The following CLNK variants were observed in gnomAD, a reference collection of about 807,000 sequenced individuals.
CLNK encodes cytokine-dependent hematopoietic cell linker.
In CLNK, 74 loss-of-function variants were observed where a neutral mutation model predicts 68.6. The ratio of observed to expected loss-of-function variants is 1.08; its 90% CI spans 0.89 to 1.31. CLNK has a LOEUF of 1.31. Among genes scored for constraint, CLNK ranks in the 50% most tolerant of loss-of-function variants. CLNK has a pLI of 0.00. For synonymous variants in CLNK, 198 were observed against 172.2 expected (o/e 1.15, Z -1.17); for missense variants, 553 against 515.3 (o/e 1.07, Z -0.71).
At chr4:10,615,471 C>T (rs559984534) in intron 2 of CLNK, among the ~76,000 whole-genome samples, 3 of 151,392 alleles carry the variant, frequency 2.0e-5, no homozygotes, top group South Asian at 2.1e-4. Context: ...AAGCAGAGGT[C>T]GTGCCGCCGC....
In CLNK at chr4:10,682,460, C is replaced by T. The variant is rs377184059; in HGVS notation, c.-43+2208G>A. ...GATGCTTCTAGATCTCTGTCTGCTA[C>T]TCTTCATGTGAAAATTTAGCCAGTT... On this transcript the variant is annotated intron_variant, in intron 1 of 18. Transcript: ENST00000226951. Among the ~76,000 whole-genome samples the T allele has an allele frequency of 2.0e-5, 3 of 152,348 alleles. 1 individual carries two copies. The highest frequency in any genetic ancestry group is 1.9e-4 in the East Asian group (1 of 5,186).
At chr4:10,570,530 AC>A (rs1720302873) in intron 5 of CLNK, among the ~76,000 whole-genome samples, 1 of 152,048 alleles carries the variant, frequency 6.6e-6, no homozygotes, top group South Asian at 2.1e-4. Flanking sequence ...TTACCCATGA[AC>A]CTTTTAATTT....
At chr4:10,638,081 T>G (rs1577188475) in intron 2 of CLNK, among the ~76,000 whole-genome samples, 1 of 152,132 alleles carries the variant, frequency 6.6e-6, no homozygotes, top group Non-Finnish European at 1.5e-5. Context: ...AAGGCACTGG[T>G]CTCCTGAATG....
chr4:10,573,991 C>T (rs572603983), intron 4 of CLNK, among the ~76,000 whole-genome samples: 2 of 152,332 alleles, frequency 1.3e-5, no homozygotes, highest in East Asian at 3.9e-4. Flanking sequence ...TTTTCTGTCT[C>T]ACTCACCATG....
At chr4:10,647,774 C>A (rs979656891) in intron 2 of CLNK, among the ~76,000 whole-genome samples, 1 of 152,152 alleles carries the variant, frequency 6.6e-6, no homozygotes. Flanking sequence ...AAATGTTTCA[C>A]TTGTTCATTC....
chr4:10,701,592 G>A, the CLNK span, among the ~76,000 whole-genome samples: 4 of 152,214 alleles, frequency 2.6e-5, no homozygotes, highest in Admixed American at 6.5e-5. Context: ...AGCTGGGAAG[G>A]AACCTGATAA....
chr4:10,600,841 C>T (rs576727773), intron 2 of CLNK, among the ~76,000 whole-genome samples: 1 of 152,206 alleles, frequency 6.6e-6, no homozygotes, highest in South Asian at 2.1e-4. Flanking sequence ...AGGTTATTGG[C>T]AACTTTTCTG....
In CLNK at chr4:10,606,578, T is replaced by A. The variant is rs79968881; in HGVS notation, c.12-8529A>T. ...TAATTGTATGTGATATGCTTTTATA[T>A]GCTGGCAGCACAGTTTTGTTTACAC... On this transcript the variant is annotated intron_variant, in intron 2 of 18. Transcript: ENST00000226951. 2.5e-3 allele frequency among the ~76,000 whole-genome samples: 380 copies of A among 152,388 alleles called. 3 individuals carry two copies. Among genetic ancestry groups the A allele is most frequent in the Middle Eastern group, 0.01 (3 of 292 alleles).
chr4:10,593,511 G>T (rs1396960810), intron 3 of CLNK, among the ~76,000 whole-genome samples: 1 of 152,066 alleles, frequency 6.6e-6, no homozygotes, highest in African/African-American at 2.4e-5. Flanking sequence ...AAAACTTGCT[G>T]GGCGTGGTGG....
chr4:10,491,127 A>G (rs1273604850), intron 18 of CLNK, among the ~76,000 whole-genome samples: 2 of 152,200 alleles, frequency 1.3e-5, no homozygotes, highest in Non-Finnish European at 2.9e-5. Context: ...TGATAACAAG[A>G]GAGAAAAAAA....
At chr4:10,624,563 A>T (rs1169246344) in intron 2 of CLNK, among the ~76,000 whole-genome samples, 3 of 145,224 alleles carry the variant, frequency 2.1e-5, no homozygotes, top group South Asian at 2.2e-4. Flanking sequence ...ACGTGCTGGG[A>T]TTACAGGCGT....
chr4:10,546,668 C>T (rs1056732126), intron 8 of CLNK, among the ~76,000 whole-genome samples: 2 of 152,216 alleles, frequency 1.3e-5, no homozygotes, highest in East Asian at 3.8e-4. Context: ...GCCCATTACT[C>T]AGTTCCAAAG....
intron 15 of CLNK, among the ~76,000 whole-genome samples, chr4:10,514,903 T>A (rs1717761671): frequency 6.6e-6 from 1 of 152,054 alleles, no homozygotes; most frequent in African/African-American, 2.4e-5. Flanking sequence ...CAAACAAATT[T>A]ACAAGAAAAA....
upstream of CLNK, among the ~76,000 whole-genome samples, chr4:10,685,550 T>C (rs185631954): frequency 2.0e-5 from 3 of 152,350 alleles, no homozygotes; most frequent in Admixed American, 2.0e-4. Flanking sequence ...TTTCCTCTTC[T>C]GGAGACTTGA....
intron 2 of CLNK, among the ~76,000 whole-genome samples, chr4:10,624,493 C>T (rs1274533650): frequency 3.3e-5 from 5 of 151,950 alleles, no homozygotes; most frequent in African/African-American, 9.7e-5. Context: ...GGGGTTTCAC[C>T]GTGTTAGCCA....
upstream of CLNK, among the ~76,000 whole-genome samples, chr4:10,686,064 G>A (rs901650253): frequency 2.6e-5 from 4 of 152,158 alleles, no homozygotes; most frequent in Non-Finnish European, 5.9e-5. Flanking sequence ...TCTGGCCTCT[G>A]GAAGTCTGAG....
chr4:10,682,572 T>G (rs1164534720), intron 1 of CLNK, among the ~76,000 whole-genome samples: 1 of 152,196 alleles, frequency 6.6e-6, no homozygotes, highest in Admixed American at 6.5e-5. Flanking sequence ...TCCTCCCAGT[T>G]TCAAATTACA....
chr4:10,504,113 G>GTTTT (rs1717179390), intron 17 of CLNK, among the ~76,000 whole-genome samples: 1 of 100,416 alleles, frequency 1.0e-5, no homozygotes, highest in Non-Finnish European at 1.9e-5. Flanking sequence ...ACATCTTTGG[G>GTTTT]TTCTTTTTTT....
chr4:10,611,727 C>T (rs766886002), intron 2 of CLNK, among the ~76,000 whole-genome samples: 8 of 152,134 alleles, frequency 5.3e-5, no homozygotes, highest in Non-Finnish European at 1.2e-4. Context: ...ATGTGCTGCT[C>T]CTGGGGGTGG....
Sources: allele counts gnomAD v4.1 joint callset (sites outside exome capture counted in the v4.1 genomes callset), GRCh38; gene constraint gnomAD v4.1.1; transcripts MANE v1.5; gene names NCBI Gene and HGNC (gene_info 2026-07-23, HGNC 2026-07-21).